The following LRPPRC variants were observed in gnomAD, a reference collection of about 807,000 sequenced individuals.
LRPPRC encodes the protein leucine-rich PPR motif-containing protein, mitochondrial.
Under a neutral mutation model 180.3 loss-of-function variants are expected in LRPPRC, and 120 were observed. The ratio of observed to expected loss-of-function variants is 0.67; its 90% CI spans 0.57 to 0.77. The LOEUF (loss-of-function observed/expected upper bound fraction) is 0.77. LRPPRC is among the 30% of genes least tolerant of loss of function. The pLI, the probability that LRPPRC is intolerant of heterozygous loss-of-function variation, is 0.00. For missense variants in LRPPRC, 2,012 were observed against 1,657.2 expected (o/e 1.21, Z -3.72); for synonymous variants, 723 against 600.0 (o/e 1.21, Z -3.00).
chr2:43,979,249 A>G (rs1369269079), intron 3 of LRPPRC, among the ~76,000 whole-genome samples: 1 of 152,186 alleles, frequency 6.6e-6, no homozygotes, highest in South Asian at 2.1e-4. Context: ...TGCACGTGTA[A>G]AAACACTTTT....
Position 43,963,591 on chromosome 2 carries a change from CA to C in LRPPRC, c.1484del (p.Leu495CysfsTer18). ...FDSVNSARAI[L>X]QENGCLSDSD... ...TTAAAACCACACTTGTACTCACCTG[CA>C]AAATGGCTCGTGCTGAGTTTACACT... On this transcript the variant is annotated frameshift_variant, in exon 12 of 38. Transcript: ENST00000260665. LOFTEE classifies it high-confidence loss of function. The C allele has an allele frequency of 6.4e-7, 1 of 1,574,498 alleles. No individual in the cohort carries two copies. The highest frequency in any genetic ancestry group is 8.7e-7 in the Non-Finnish European group (1 of 1,144,194).
chr2:43,965,026 G>C (rs1468943210), intron 11 of LRPPRC, among the ~76,000 whole-genome samples: 2 of 152,138 alleles, frequency 1.3e-5, no homozygotes, highest in African/African-American at 4.8e-5. Context: ...TTTTGAGACT[G>C]AATATTGCTC....
intron 30 of LRPPRC, among the ~76,000 whole-genome samples, 172 bp from the exon 31 acceptor site, chr2:43,905,952 G>A (rs1483519176): frequency 1.3e-5 from 2 of 152,118 alleles, no homozygotes; most frequent in Non-Finnish European, 2.9e-5. Flanking sequence ...GTTATAGAAG[G>A]ATAATTTTTT....
At chr2:43,920,102 A>C (rs1340364366) in intron 27 of LRPPRC, among the ~76,000 whole-genome samples, 2 of 147,618 alleles carry the variant, frequency 1.4e-5, no homozygotes, top group Non-Finnish European at 3.0e-5. Flanking sequence ...AAAAAAAAAA[A>C]CTTAGAGAAA....
At chr2:43,943,608 T>C (rs1024318273) in intron 23 of LRPPRC, 79 bp downstream of exon 23, 6 of 1,191,898 alleles carry the variant, frequency 5.0e-6, no homozygotes, top group African/African-American at 4.5e-5. Flanking sequence ...CATGAGGGTA[T>C]TTATAAAGTA....
At chr2:43,959,374 C>T (rs1475996449) in intron 13 of LRPPRC, among the ~76,000 whole-genome samples, 1 of 152,118 alleles carries the variant, frequency 6.6e-6, no homozygotes, top group Non-Finnish European at 1.5e-5. Flanking sequence ...ATATTTTAAG[C>T]GACATGCACA....
At chr2:43,951,022 A>G (rs968454046) in intron 14 of LRPPRC, among the ~76,000 whole-genome samples, 1 of 152,042 alleles carries the variant, frequency 6.6e-6, no homozygotes, top group African/African-American at 2.4e-5. Context: ...GTGAGCCGAG[A>G]TCGTGCCACT....
intron 1 of LRPPRC, among the ~76,000 whole-genome samples, chr2:43,994,427 G>T (rs1284202722): frequency 6.6e-6 from 1 of 152,192 alleles, no homozygotes; most frequent in Non-Finnish European, 1.5e-5. Flanking sequence ...CACTTACTAG[G>T]CATCAGGCCC....
chr2:43,968,700 T>A (rs952978883), intron 11 of LRPPRC, among the ~76,000 whole-genome samples: 22 of 152,246 alleles, frequency 1.4e-4, no homozygotes, highest in Admixed American at 7.2e-4. Flanking sequence ...AAGCAGAAAG[T>A]AGGACAGCAG....
chr2:43,959,942 G>C (rs111377751), intron 13 of LRPPRC, among the ~76,000 whole-genome samples: 1,848 of 152,234 alleles, frequency 0.012, 23 homozygotes, highest in Non-Finnish European at 0.02. Context: ...CAAAGCTAAA[G>C]TCTGAACATC....
At chr2:43,993,955 G>A (rs1254809909) in intron 1 of LRPPRC, among the ~76,000 whole-genome samples, 1 of 152,098 alleles carries the variant, frequency 6.6e-6, no homozygotes, top group Non-Finnish European at 1.5e-5. Flanking sequence ...AGGTTAGTAA[G>A]ATGGCTGAGA....
intron 14 of LRPPRC, among the ~76,000 whole-genome samples, chr2:43,955,612 C>T (rs746698491): frequency 1.3e-5 from 2 of 152,064 alleles, no homozygotes; most frequent in African/African-American, 4.8e-5. Context: ...TGGTGGCATG[C>T]GCCCATAGTC....
intron 29 of LRPPRC, among the ~76,000 whole-genome samples, chr2:43,913,342 C>G (rs1174614050): frequency 6.6e-6 from 1 of 152,124 alleles, no homozygotes; most frequent in East Asian, 1.9e-4. Flanking sequence ...TGTGGATAAA[C>G]AAATCACAAT....
Position 43,907,453 on chromosome 2 carries a change from C to G in LRPPRC, c.3276-1673G>C, listed in dbSNP as rs1255749291. ...TTTTCACACCTAATTTTGATCTTTC[C>G]TTCTGGAAAAAATCGAGTCCAGAGC... On this transcript the variant is annotated intron_variant, in intron 30 of 37. Coordinates refer to ENST00000260665, the MANE Select transcript of LRPPRC (RefSeq NM_133259.4). 1.3e-5 allele frequency among the ~76,000 whole-genome samples: 2 copies of G among 152,028 alleles called. 1 individual carries two copies. Among genetic ancestry groups the G allele is most frequent in the Admixed American group, 1.3e-4 (2 of 15,260 alleles).
chr2:43,916,236 A>G (rs1671462893), intron 29 of LRPPRC, among the ~76,000 whole-genome samples: 1 of 152,270 alleles, frequency 6.6e-6, no homozygotes, highest in Non-Finnish European at 1.5e-5. Flanking sequence ...AACTGAAGGA[A>G]TCATTCTATG....
Position 43,975,228 on chromosome 2 carries a change from A to G in LRPPRC, c.738-11T>C, listed in dbSNP as rs760864708. On this transcript the variant is annotated splice_polypyrimidine_tract_variant and intron_variant, in intron 6 of 37. Transcript: ENST00000260665. ...GCATTCTCCATATCACTACAAGTTA[A>G]TTCAAAAAACAGATTATTATGCTTT... is the stretch of plus-strand genomic sequence containing the variant. 1 of 1,611,010 alleles carries G rather than the reference A, an allele frequency of 6.2e-7. No homozygotes were observed. The highest frequency in any genetic ancestry group is 8.5e-7 in the Non-Finnish European group (1 of 1,178,990).
At chr2:43,893,258 T>G (rs1386340706) in intron 36 of LRPPRC, among the ~76,000 whole-genome samples, 1 of 152,226 alleles carries the variant, frequency 6.6e-6, no homozygotes, top group Non-Finnish European at 1.5e-5. Context: ...GAATATGACA[T>G]AAATTTAGTT....
chr2:43,960,560 T>G lies in LRPPRC; in HGVS notation c.1563A>C (p.Leu521Phe). The change falls in exon 13 of 38, where the codon TTA becomes TTC. Residue 521 changes from leucine (L) to phenylalanine (F), a missense_variant. By Grantham distance (22) the Leu-to-Phe change is conservative. Transcript: ENST00000260665. ...ACTTACAAAATGATAATACAAAGTCTAAGTTCCCATTTGCTGCTTCACTTC... is the reference window on the plus strand; with the variant it reads ...ACTTACAAAATGATAATACAAAGTCGAAGTTCCCATTTGCTGCTTCACTTC... ...GLRSEAANGN[L>F]DFVLSFLKSN... is the part of the protein sequence containing the mutation. 1 of 1,585,460 alleles carries G rather than the reference T, an allele frequency of 6.3e-7. No homozygotes were observed. The highest frequency in any genetic ancestry group is 1.7e-4 in the Middle Eastern group (1 of 6,006).
At chr2:43,910,028 A>C (rs1373490186) in intron 30 of LRPPRC, among the ~76,000 whole-genome samples, 1 of 152,198 alleles carries the variant, frequency 6.6e-6, no homozygotes, top group Non-Finnish European at 1.5e-5. Context: ...TTTTCATGAA[A>C]TAATATCTTT....
Sources: gnomAD v4.1 joint callset for allele counts (sites outside exome capture counted in the v4.1 genomes callset) on GRCh38, gnomAD v4.1.1 for gene constraint, MANE v1.5 for transcripts, NCBI Gene and HGNC (gene_info 2026-07-23, HGNC 2026-07-21) for gene names.